The following ACBD6 variants were observed in gnomAD, a reference collection of about 807,000 sequenced individuals.
ACBD6 encodes acyl-CoA binding domain containing 6, also known as acyl-CoA-binding domain-containing protein 6.
In ACBD6, 28 loss-of-function variants were observed where a neutral mutation model predicts 37.2. That is an observed-to-expected ratio of 0.75 (90% CI 0.56 to 1.03). ACBD6 has a LOEUF of 1.03. ACBD6 is among the 50% of genes least tolerant of loss of function. The probability of loss-of-function intolerance (pLI) is 0.00; values close to 1 mark genes in which losing one functional copy is unlikely to be tolerated. For missense variants in ACBD6, 340 were observed against 337.4 expected, an observed-to-expected ratio of 1.01 and a Z score of -0.06; for synonymous variants, 113 against 126.8, an observed-to-expected ratio of 0.89 and a Z score of 0.73.
chr1:180,430,231 G>A lies in ACBD6; in HGVS notation c.416C>T (p.Thr139Ile), dbSNP rs1403531524. 1 of 1,613,176 alleles carries A rather than the reference G, an allele frequency of 6.2e-7. No individual in the cohort carries two copies. Among genetic ancestry groups the A allele is most frequent in the Admixed American group, 1.7e-5 (1 of 59,966 alleles). The part of the protein sequence containing the change: ...IPEKKGKEAN[T>I]GFGGPVISSL... ...ACTAATAACTGGCCCACCAAAACCT[G>A]TATTTGCTTCTTTTCCTTTCTTCTC... Residue 139 changes from threonine (T) to isoleucine (I), a missense_variant, in exon 4 of 8, where the codon ACA becomes ATA. Thr to Ile is a moderately conservative substitution (Grantham distance 89). Coordinates refer to ENST00000367595, the MANE Select transcript of ACBD6 (RefSeq NM_032360.4).
At chr1:180,314,573 TG>T (rs1164238927) in intron 7 of ACBD6, 118 bp downstream of exon 7, 3 of 820,984 alleles carry the variant, frequency 3.7e-6, no homozygotes, top group Non-Finnish European at 5.9e-6. Flanking sequence ...AAAAAGTTAT[TG>T]TATCTCTGCT....
intron 3 of ACBD6, among the ~76,000 whole-genome samples, chr1:180,451,807 A>T (rs1649718768): frequency 6.6e-6 from 1 of 152,236 alleles, no homozygotes; most frequent in Non-Finnish European, 1.5e-5. Context: ...TGATGGTTGT[A>T]CAACTTCATG....
At chr1:180,393,962 G>A (rs1654165701) in intron 6 of ACBD6, among the ~76,000 whole-genome samples, 1 of 152,142 alleles carries the variant, frequency 6.6e-6, no homozygotes, top group Non-Finnish European at 1.5e-5. Flanking sequence ...TATAGTTTTT[G>A]GATTGTTTGT....
At chr1:180,382,890 A>G (rs1270592898) in intron 6 of ACBD6, among the ~76,000 whole-genome samples, 1 of 152,236 alleles carries the variant, frequency 6.6e-6, no homozygotes, top group East Asian at 1.9e-4. Context: ...GGATGGTCCA[A>G]CATACACAAA....
At chr1:180,309,548 G>T (rs10494525) in intron 7 of ACBD6, among the ~76,000 whole-genome samples, 11,660 of 152,210 alleles carry the variant, frequency 0.077, 521 homozygotes, top group African/African-American at 0.13. Context: ...CTGAATGAGG[G>T]AATGAAAGAA....
At chr1:180,305,739 A>C (rs904560539) in intron 7 of ACBD6, among the ~76,000 whole-genome samples, 2 of 152,226 alleles carry the variant, frequency 1.3e-5, no homozygotes, top group Non-Finnish European at 2.9e-5. Flanking sequence ...TGACCCAGCC[A>C]TTCCATTACT....
At chr1:180,383,083 G>A (rs188475757) in intron 6 of ACBD6, among the ~76,000 whole-genome samples, 245 of 152,210 alleles carry the variant, frequency 1.6e-3, no homozygotes, top group Non-Finnish European at 2.3e-3. Flanking sequence ...AGCTAACATC[G>A]TACCAAATGG....
intron 6 of ACBD6, among the ~76,000 whole-genome samples, chr1:180,358,842 C>T (rs537312665): frequency 6.6e-6 from 1 of 152,342 alleles, no homozygotes; most frequent in South Asian, 2.1e-4. Flanking sequence ...TGTCGGATAT[C>T]AGAGCAGTGG....
chr1:180,389,985 G>A (rs1263731102), intron 6 of ACBD6, among the ~76,000 whole-genome samples: 1 of 151,838 alleles, frequency 6.6e-6, no homozygotes, highest in Non-Finnish European at 1.5e-5. Context: ...TTCTTTTGCT[G>A]TGCAGAAGCT....
intron 4 of ACBD6, among the ~76,000 whole-genome samples, chr1:180,427,706 G>A (rs1295825198): frequency 2.0e-5 from 3 of 152,046 alleles, no homozygotes; most frequent in Non-Finnish European, 4.4e-5. Context: ...GGTGGATCAC[G>A]AGGTCAAGAG....
chr1:180,318,169 C>CACCCT lies in ACBD6; in HGVS notation c.664-3448_664-3447insAGGGT, dbSNP rs71822070. ...AGAGTAAGATTCCATCTCCGCCCCC[C>CACCCT]CCCCCCAAAAAAAAAAGAAAGAAAG... On this transcript the variant is annotated intron_variant, in intron 6 of 7. Transcript: ENST00000367595. 9.1e-3 allele frequency among the ~76,000 whole-genome samples: 946 copies of CACCCT among 103,934 alleles called. 40 individuals carry two copies. Among genetic ancestry groups the CACCCT allele is most frequent in the African/African-American group, 0.032 (888 of 27,786 alleles). 68.2% of individuals were successfully genotyped at this position (103,934 alleles called of 152,430 possible).
At chr1:180,426,623 T>C (rs1387195743) in intron 4 of ACBD6, among the ~76,000 whole-genome samples, 1 of 152,202 alleles carries the variant, frequency 6.6e-6, no homozygotes, top group Non-Finnish European at 1.5e-5. Context: ...CAACTTGCAT[T>C]TAATTATATA....
At chr1:180,370,741 T>C (rs1282336412) in intron 6 of ACBD6, among the ~76,000 whole-genome samples, 1 of 152,146 alleles carries the variant, frequency 6.6e-6, no homozygotes, top group Non-Finnish European at 1.5e-5. Context: ...ATACATTTTC[T>C]ACTATGCTTT....
At chr1:180,326,336 CCA>C (rs1358561289) in intron 6 of ACBD6, 1 of 152,528 alleles carries the variant, frequency 6.6e-6, no homozygotes, top group African/African-American at 2.4e-5. Flanking sequence ...CTCTGCCAGG[CCA>C]CTGCCGATAT....
At chr1:180,423,043 A>G (rs1302993513) in intron 4 of ACBD6, among the ~76,000 whole-genome samples, 2 of 152,160 alleles carry the variant, frequency 1.3e-5, no homozygotes, top group Non-Finnish European at 2.9e-5. Flanking sequence ...CATTGTGATG[A>G]ACTTTTTATA....
intron 3 of ACBD6, among the ~76,000 whole-genome samples, chr1:180,454,632 A>G (rs1034610821): frequency 6.6e-6 from 1 of 152,210 alleles, no homozygotes; most frequent in Admixed American, 6.5e-5. Context: ...TCCATCTGAC[A>G]AAGGGCTAAT....
intron 7 of ACBD6, among the ~76,000 whole-genome samples, chr1:180,298,476 A>C (rs1261696907): frequency 2.0e-5 from 3 of 152,208 alleles, no homozygotes; most frequent in Non-Finnish European, 4.4e-5. Context: ...ATCTCAGACA[A>C]AGGGACATTA....
At chr1:180,338,291 C>G (rs867249403) in intron 6 of ACBD6, among the ~76,000 whole-genome samples, 16 of 151,642 alleles carry the variant, frequency 1.1e-4, no homozygotes, top group Admixed American at 3.9e-4. Flanking sequence ...ATACTACAAA[C>G]AGTAACCAAA....
At chr1:180,434,159 T>C (rs1187307442) in intron 3 of ACBD6, among the ~76,000 whole-genome samples, 2 of 152,168 alleles carry the variant, frequency 1.3e-5, no homozygotes, top group Non-Finnish European at 2.9e-5. Flanking sequence ...CTCATTATAC[T>C]TTCCTCCCTT....
Sources: allele counts gnomAD v4.1 joint callset (sites outside exome capture counted in the v4.1 genomes callset), GRCh38; gene constraint gnomAD v4.1.1; transcripts MANE v1.5; gene names NCBI Gene and HGNC (gene_info 2026-07-23, HGNC 2026-07-21).